The following NXPH1 variants were observed in gnomAD, a reference collection of about 807,000 sequenced individuals.
The protein encoded by NXPH1 is neurexophilin 1.
A neutral mutation model predicts 23.7 loss-of-function variants in NXPH1; 5 were observed. That is an observed-to-expected ratio of 0.21 (90% CI 0.11 to 0.44). The LOEUF is 0.44. Ranked by LOEUF, NXPH1 falls within the 20% of genes least tolerant of loss-of-function variation. The probability of loss-of-function intolerance (pLI) is 0.99; values close to 1 mark genes in which losing one functional copy is unlikely to be tolerated. For missense variants in NXPH1, 324 were observed against 321.6 expected (o/e 1.01, Z -0.06); for synonymous variants, 144 against 122.2 (o/e 1.18, Z -1.18).
intron 2 of NXPH1, among the ~76,000 whole-genome samples, chr7:8,444,415 A>C (rs1265759298): frequency 6.6e-6 from 1 of 152,154 alleles, no homozygotes; most frequent in Admixed American, 6.5e-5. Context: ...CTAGTTTTCT[A>C]GGACTGGGTA....
intron 2 of NXPH1, among the ~76,000 whole-genome samples, chr7:8,501,657 G>A (rs1563329097): frequency 6.6e-6 from 1 of 152,042 alleles, no homozygotes; most frequent in Non-Finnish European, 1.5e-5. Flanking sequence ...ACTGGGAATG[G>A]TGTAGCAATT....
chr7:8,499,336 G>C (rs766407284), intron 2 of NXPH1, among the ~76,000 whole-genome samples: 9 of 151,970 alleles, frequency 5.9e-5, no homozygotes, highest in East Asian at 1.9e-4. Flanking sequence ...GCCCTCCCAG[G>C]GTTCATAGCA....
intron 2 of NXPH1, among the ~76,000 whole-genome samples, chr7:8,731,884 C>T (rs571978863): frequency 8.1e-4 from 124 of 152,344 alleles, no homozygotes; most frequent in African/African-American, 2.0e-3. Context: ...TCGAGCTTCC[C>T]GGCTGCTTTG....
intron 2 of NXPH1, among the ~76,000 whole-genome samples, chr7:8,668,651 T>C (rs1366373516): frequency 7.6e-6 from 1 of 131,918 alleles, no homozygotes; most frequent in Non-Finnish European, 1.5e-5. Flanking sequence ...TGAGCCTGAG[T>C]CTGCAGGGGC....
chr7:8,734,249 C>G (rs1190281911), intron 2 of NXPH1, among the ~76,000 whole-genome samples: 1 of 152,130 alleles, frequency 6.6e-6, no homozygotes, highest in African/African-American at 2.4e-5. Flanking sequence ...GTTTTGGTAC[C>G]ACTACCATGC....
In NXPH1 at chr7:8,435,415, C is replaced by T. The variant is rs1419063003; in HGVS notation, c.-110-189C>T. On this transcript the variant is annotated intron_variant, in intron 1 of 2. Transcript: ENST00000405863. This position sits in a 1 kb window ranked among gnomAD's most constrained non-coding sequence, Gnocchi z 5.9. ...ACCCTCCCTCTCGTCCGCCCGCCCG[C>T]CTCCCCAGCTGCGGACCGCGCGCTT... 5 of 489,404 alleles carry T rather than the reference C, an allele frequency of 1.0e-5. No homozygotes were observed. Among genetic ancestry groups the T allele is most frequent in the Non-Finnish European group, 7.3e-6 (2 of 272,266 alleles). The allele number at this position is 489,404 out of a possible 1,614,324, so 30.3% of individuals were successfully genotyped here. A position where few individuals can be genotyped will look rare whatever the true frequency, so the allele number is the denominator to read the frequency against.
intron 2 of NXPH1, among the ~76,000 whole-genome samples, chr7:8,708,277 G>A (rs188721289): frequency 1.5e-3 from 235 of 152,242 alleles, no homozygotes; most frequent in African/African-American, 5.4e-3. Context: ...TTATCTAGGT[G>A]TTCTAAATTT....
intron 2 of NXPH1, among the ~76,000 whole-genome samples, chr7:8,555,794 C>A (rs1437286097): frequency 6.6e-6 from 1 of 151,684 alleles, no homozygotes; most frequent in Non-Finnish European, 1.5e-5. Context: ...GTATTCTCTG[C>A]CTGATTCCTG....
At chr7:8,515,299 A>G (rs893769866) in intron 2 of NXPH1, among the ~76,000 whole-genome samples, 1 of 152,062 alleles carries the variant, frequency 6.6e-6, no homozygotes, top group Non-Finnish European at 1.5e-5. Context: ...AGTCTGTGTG[A>G]TTTTGCTTCA....
At chr7:8,467,311 C>A (rs901862499) in intron 2 of NXPH1, among the ~76,000 whole-genome samples, 14 of 152,106 alleles carry the variant, frequency 9.2e-5, no homozygotes, top group African/African-American at 3.4e-4. Context: ...AATGAGGAGC[C>A]ACAGAAACAT....
intron 2 of NXPH1, among the ~76,000 whole-genome samples, chr7:8,677,931 A>T (rs939398820): frequency 6.6e-6 from 1 of 151,934 alleles, no homozygotes; most frequent in Non-Finnish European, 1.5e-5. Context: ...TTACATATAT[A>T]TAAACATACA....
At chr7:8,745,820 G>A (rs1158397953) in intron 2 of NXPH1, among the ~76,000 whole-genome samples, 1 of 148,954 alleles carries the variant, frequency 6.7e-6, no homozygotes, top group African/African-American at 2.5e-5. Flanking sequence ...TCCTGCCTTG[G>A]CCTCCCAAAG....
intron 2 of NXPH1, among the ~76,000 whole-genome samples, chr7:8,714,922 C>T (rs1335435121): frequency 6.6e-6 from 1 of 152,160 alleles, no homozygotes; most frequent in African/African-American, 2.4e-5. Context: ...GGATGGGTGG[C>T]ACAAGCACTC....
chr7:8,568,024 G>A (rs1214808262), intron 2 of NXPH1, among the ~76,000 whole-genome samples: 2 of 151,722 alleles, frequency 1.3e-5, no homozygotes, highest in African/African-American at 2.4e-5. Context: ...TGAATTGCAG[G>A]GCGAGTCTTT....
At position 8,433,782 on chromosome 7, in the gene NXPH1, C is replaced by T. The variant is rs1816139827; in HGVS notation, c.-1084C>T. On this transcript the variant is annotated 5_prime_UTR_variant, in exon 1 of 3. Coordinates refer to ENST00000405863, the MANE Select transcript of NXPH1 (RefSeq NM_152745.3). This position sits in a 1 kb window ranked among gnomAD's most constrained non-coding sequence, Gnocchi z 6.8. Reference sequence around the variant, plus strand: ...CGACTCCCGGCTGCTCTTCCCGCCACTCCCCTGGGCTTTGCGATCTTCCCT... The same window carrying T: ...CGACTCCCGGCTGCTCTTCCCGCCATTCCCCTGGGCTTTGCGATCTTCCCT... Among the ~76,000 whole-genome samples, 1 of 152,180 alleles carries T rather than the reference C, an allele frequency of 6.6e-6. No homozygotes were observed. Among genetic ancestry groups the T allele is most frequent in the Non-Finnish European group, 1.5e-5 (1 of 68,012 alleles).
At chr7:8,678,047 A>C (rs1463780224) in intron 2 of NXPH1, among the ~76,000 whole-genome samples, 3 of 152,174 alleles carry the variant, frequency 2.0e-5, no homozygotes. Flanking sequence ...ATGAAGAATA[A>C]TTAGGATTAG....
intron 2 of NXPH1, among the ~76,000 whole-genome samples, chr7:8,703,359 T>A (rs1449111003): frequency 6.6e-6 from 1 of 152,166 alleles, no homozygotes; most frequent in Non-Finnish European, 1.5e-5. Flanking sequence ...CCTAATTTAA[T>A]ACCTGTGAAA....
At position 8,671,518 on chromosome 7, in the gene NXPH1, C is replaced by T. The variant is rs146015470; in HGVS notation, c.55-79490C>T. On this transcript the variant is annotated intron_variant, in intron 2 of 2. Coordinates refer to ENST00000405863, the MANE Select transcript of NXPH1 (RefSeq NM_152745.3). ...GTACTATGGAAGGCTGTATAATTAC[C>T]TTCCATTAAGGTCTTTAAAAACAGA... Among the ~76,000 whole-genome samples the T allele has an allele frequency of 5.7e-3, 874 of 152,282 alleles. 9 individuals are homozygous for T. The highest frequency in any genetic ancestry group is 0.02 in the African/African-American group (821 of 41,564).
chr7:8,608,386 G>T (rs1217253549), intron 2 of NXPH1, among the ~76,000 whole-genome samples: 2 of 149,986 alleles, frequency 1.3e-5, no homozygotes, highest in South Asian at 2.1e-4. Context: ...GCAGTGCAGT[G>T]GAGTGGTCAC....
Sources: allele counts gnomAD v4.1 joint callset (sites outside exome capture counted in the v4.1 genomes callset), GRCh38; gene constraint gnomAD v4.1.1; non-coding constraint Gnocchi (gnomAD v3.1); transcripts MANE v1.5; gene names NCBI Gene and HGNC (gene_info 2026-07-23, HGNC 2026-07-21).